The following AFTPH variants were observed in gnomAD, a reference collection of about 807,000 sequenced individuals.
The protein encoded by AFTPH is aftiphilin protein.
AFTPH carries 7 observed loss-of-function variants against 72.5 expected under a neutral mutation model. That is an observed-to-expected ratio of 0.10 (90% CI 0.05 to 0.18). AFTPH has a LOEUF of 0.18. Among genes scored for constraint, AFTPH ranks in the 10% least tolerant of loss-of-function variants. AFTPH has a pLI of 1.00. For synonymous variants in AFTPH, 337 were observed against 370.1 expected, an observed-to-expected ratio of 0.91 and a Z score of 1.03; for missense variants, 979 against 1,060.5, an observed-to-expected ratio of 0.92 and a Z score of 1.07.
intron 6 of AFTPH, 89 bp from the exon 7 acceptor site, chr2:64,579,397 T>C: frequency 2.0e-6 from 2 of 988,684 alleles, no homozygotes; most frequent in Non-Finnish European, 3.1e-6. Flanking sequence ...TGTTGCCTAA[T>C]GGTCTTGCTA....
At chr2:64,589,621 T>C (rs1673701383) in intron 8 of AFTPH, among the ~76,000 whole-genome samples, 1 of 152,192 alleles carries the variant, frequency 6.6e-6, no homozygotes, top group South Asian at 2.1e-4. Flanking sequence ...TATAATTTCA[T>C]ATTGCCTCTG....
rs542167683 is a variant in AFTPH, at chr2:64,570,019, T to A, written c.2271+340T>A. ...GTATCAGAAGGCCTAAAGATATCATTTATTTTAATCCAGTTATTAATTTTA... is the reference window on the plus strand; with the variant it reads ...GTATCAGAAGGCCTAAAGATATCATATATTTTAATCCAGTTATTAATTTTA... On this transcript the variant is annotated intron_variant, in intron 5 of 8. Transcript: ENST00000238856. Among the ~76,000 whole-genome samples the A allele has an allele frequency of 8.5e-5, 13 of 152,340 alleles. No individual in the cohort carries two copies. In the South Asian group the frequency reaches 2.7e-3, roughly 32 times the overall value.
At chr2:64,587,500 T>A (rs1673585617) in intron 8 of AFTPH, among the ~76,000 whole-genome samples, 1 of 152,262 alleles carries the variant, frequency 6.6e-6, no homozygotes, top group African/African-American at 2.4e-5. Flanking sequence ...TTTTTAGGTT[T>A]TCTTTCATTT....
At chr2:64,570,737 T>C (rs1306865771) in intron 5 of AFTPH, among the ~76,000 whole-genome samples, 1 of 152,240 alleles carries the variant, frequency 6.6e-6, no homozygotes, top group Non-Finnish European at 1.5e-5. Context: ...GTAGGCACTT[T>C]CATTCAGCAT....
At chr2:64,588,184 T>A (rs1673620151) in intron 8 of AFTPH, among the ~76,000 whole-genome samples, 1 of 152,188 alleles carries the variant, frequency 6.6e-6, no homozygotes, top group African/African-American at 2.4e-5. Flanking sequence ...TTCTGGTTAT[T>A]TCATATAGAT....
chr2:64,567,915 G>T (rs1215371893), intron 3 of AFTPH, among the ~76,000 whole-genome samples: 1 of 152,046 alleles, frequency 6.6e-6, no homozygotes, highest in Non-Finnish European at 1.5e-5. Flanking sequence ...GGTGGCACAT[G>T]CCTGTAATCC....
At chr2:64,541,149 G>A (rs531619711) in intron 1 of AFTPH, among the ~76,000 whole-genome samples, 2 of 152,162 alleles carry the variant, frequency 1.3e-5, no homozygotes, top group South Asian at 4.2e-4. Flanking sequence ...ATAGTATGAG[G>A]AGATAATTGA....
At chr2:64,536,588 AAGAAT>A (rs1392810811) in intron 1 of AFTPH, among the ~76,000 whole-genome samples, 46 of 136,610 alleles carry the variant, frequency 3.4e-4, no homozygotes, top group Non-Finnish European at 5.5e-4. Flanking sequence ...AAAAAAAAAA[AAGAAT>A]ATAGAGAAGC....
rs57995634 is a variant in AFTPH at position 64,548,407 on chromosome 2, GAA to G, written c.-32-3009_-32-3008del. On this transcript the variant is annotated intron_variant, in intron 1 of 8. Coordinates refer to ENST00000238856, the Ensembl canonical transcript of AFTPH. ...AGAGCGAGACTCCGTCTCAAAAAAAGAAAAAAAAAAAAAAAAAAAAAAAAAAA... is the reference window on the plus strand; with the variant it reads ...AGAGCGAGACTCCGTCTCAAAAAAAGAAAAAAAAAAAAAAAAAAAAAAAAA... 7.0e-3 allele frequency among the ~76,000 whole-genome samples: 422 copies of G among 59,976 alleles called. 1 individual carries two copies. Among genetic ancestry groups the G allele is most frequent in the African/African-American group, 0.021 (353 of 16,460 alleles). The allele number at this position is 59,976 out of a possible 152,430, so 39.3% of individuals were successfully genotyped here.
chr2:64,527,423 A>G (rs1669341695), intron 1 of AFTPH, among the ~76,000 whole-genome samples: 1 of 152,152 alleles, frequency 6.6e-6, no homozygotes, highest in Non-Finnish European at 1.5e-5. Context: ...TCTACTGAAA[A>G]TACAAAATTA....
chr2:64,584,689 C>T (rs964361852), intron 7 of AFTPH, among the ~76,000 whole-genome samples: 2 of 147,456 alleles, frequency 1.4e-5, no homozygotes, highest in East Asian at 2.0e-4. Flanking sequence ...CTCCGCCTTC[C>T]GGGTTCATGC....
chr2:64,570,517 TAG>T (rs1672349447), intron 5 of AFTPH, among the ~76,000 whole-genome samples: 1 of 152,252 alleles, frequency 6.6e-6, no homozygotes, highest in Non-Finnish European at 1.5e-5. Context: ...TGGGATTTTC[TAG>T]AGTTTTGGTT....
At chr2:64,573,733 C>G (rs1267666559) in intron 6 of AFTPH, among the ~76,000 whole-genome samples, 1 of 152,160 alleles carries the variant, frequency 6.6e-6, no homozygotes, top group East Asian at 1.9e-4. Flanking sequence ...TCTCGGCTCA[C>G]TATAACCTCT....
At chr2:64,545,291 C>T (rs1025041721) in intron 1 of AFTPH, among the ~76,000 whole-genome samples, 38 of 151,792 alleles carry the variant, frequency 2.5e-4, no homozygotes, top group African/African-American at 8.9e-4. Context: ...TACCATGATA[C>T]CCAGCAGTCA....
intron 1 of AFTPH, among the ~76,000 whole-genome samples, chr2:64,534,342 C>T (rs1669775403): frequency 6.9e-6 from 1 of 145,192 alleles, no homozygotes; most frequent in South Asian, 2.1e-4. Context: ...TCTTTTTATA[C>T]TTTTTACTAT....
At chr2:64,578,822 G>A (rs1262430346) in intron 6 of AFTPH, 1 of 152,544 alleles carries the variant, frequency 6.6e-6, no homozygotes, top group African/African-American at 2.4e-5. Context: ...ATCCCAAAGT[G>A]CTGGGATTAC....
At chr2:64,529,776 C>T (rs958294978) in intron 1 of AFTPH, among the ~76,000 whole-genome samples, 7 of 151,902 alleles carry the variant, frequency 4.6e-5, no homozygotes, top group African/African-American at 1.7e-4. Context: ...ACCACGGGCG[C>T]ACACCACCAT....
At chr2:64,579,745 A>G (rs371163389) in intron 7 of AFTPH, 199 bp downstream of exon 7, 2 of 442,638 alleles carry the variant, frequency 4.5e-6, no homozygotes, top group Non-Finnish European at 4.0e-6. Flanking sequence ...ATGTCCAAAT[A>G]TAGGTAATAG....
exon 3 of AFTPH, chr2:64,567,600 A>G (rs1337772370): frequency 6.2e-7 from 1 of 1,613,374 alleles, no homozygotes. Context: ...TTTTCGAAGC[A>G]TGTTTTCCTT....
Sources: gnomAD v4.1 joint callset for allele counts (sites outside exome capture counted in the v4.1 genomes callset) on GRCh38, gnomAD v4.1.1 for gene constraint, MANE v1.5 for transcripts, NCBI Gene and HGNC (gene_info 2026-07-23, HGNC 2026-07-21) for gene names.